The following WDFY4 variants were observed in gnomAD, a reference collection of about 807,000 sequenced individuals.
WDFY4 encodes the protein WD repeat- and FYVE domain-containing protein 4.
Under a neutral mutation model 351.9 loss-of-function variants are expected in WDFY4, and 169 were observed. The observed-to-expected ratio is 0.48, with a 90% CI of 0.42 to 0.55. WDFY4 has a LOEUF of 0.55. WDFY4 is among the 20% of genes least tolerant of loss of function. The pLI is 0.00. For missense variants in WDFY4, 3,803 were observed against 3,935.6 expected, an observed-to-expected ratio of 0.97 and a Z score of 0.90; for synonymous variants, 1,622 against 1,574.6, an observed-to-expected ratio of 1.03 and a Z score of -0.71.
chr10:48,848,935 G>T (rs1365923978), intron 39 of WDFY4, among the ~76,000 whole-genome samples: 2 of 152,218 alleles, frequency 1.3e-5, no homozygotes, highest in African/African-American at 4.8e-5. Flanking sequence ...GTGCAGGACA[G>T]GTGGCAAGTG....
intron 57 of WDFY4, 132 bp downstream of exon 57, chr10:48,970,421 C>A: frequency 7.9e-7 from 1 of 1,262,932 alleles, no homozygotes. Flanking sequence ...CACTGAGGGC[C>A]CTGCCACCCT....
At chr10:48,864,566 C>G (rs1055826936) in intron 39 of WDFY4, among the ~76,000 whole-genome samples, 14 of 151,974 alleles carry the variant, frequency 9.2e-5, no homozygotes, top group African/African-American at 3.4e-4. Flanking sequence ...TTTTGGAGGT[C>G]CCTTGTAATT....
At chr10:48,770,933 A>T (rs1354424190) in intron 13 of WDFY4, among the ~76,000 whole-genome samples, 1 of 152,218 alleles carries the variant, frequency 6.6e-6, no homozygotes, top group Non-Finnish European at 1.5e-5. Flanking sequence ...CAGAATGGCA[A>T]AATGCAGCCT....
At chr10:48,694,867 C>T (rs1427237168) in intron 1 of WDFY4, among the ~76,000 whole-genome samples, 2 of 152,134 alleles carry the variant, frequency 1.3e-5, no homozygotes, top group Non-Finnish European at 2.9e-5. Context: ...CCAGACTTCT[C>T]CACCCTCCCC....
chr10:48,704,045 G>A lies in WDFY4; in HGVS notation c.-17-5671G>A, dbSNP rs578039532. On this transcript the variant is annotated intron_variant, in intron 1 of 61. Transcript: ENST00000325239. ...TTCCCTGCACATGGCACAGAGGAAGGGGAGACCCCATCACATACACACAAC... is the reference window on the plus strand; with the variant it reads ...TTCCCTGCACATGGCACAGAGGAAGAGGAGACCCCATCACATACACACAAC... 2.3e-3 allele frequency among the ~76,000 whole-genome samples: 354 copies of A among 152,188 alleles called. 1 individual carries two copies. The highest frequency in any genetic ancestry group is 8.2e-3 in the African/African-American group (339 of 41,528).
Position 48,876,732 on chromosome 10 carries a change from C to T in WDFY4, c.7001-301C>T, listed in dbSNP as rs191816025. ...TCTGAGGAGTTGCTTTACTGACTAA[C>T]GAGGGTGAATTTGGAAATGTTGCCC... On this transcript the variant is annotated intron_variant, in intron 42 of 61. Coordinates refer to ENST00000325239, the MANE Select transcript of WDFY4 (RefSeq NM_001394531.1). Among the ~76,000 whole-genome samples the T allele has an allele frequency of 1.5e-3, 232 of 152,266 alleles. 2 individuals carry two copies. The highest frequency in any genetic ancestry group is 5.1e-3 in the African/African-American group (212 of 41,554).
intron 57 of WDFY4, among the ~76,000 whole-genome samples, chr10:48,973,138 C>T (rs964650364): frequency 1.3e-5 from 2 of 152,152 alleles, no homozygotes; most frequent in Admixed American, 6.5e-5. Context: ...CAACACGTGC[C>T]GGCACTGGGG....
intron 12 of WDFY4, among the ~76,000 whole-genome samples, chr10:48,746,299 T>C (rs1056362356): frequency 6.6e-6 from 1 of 152,394 alleles, no homozygotes; most frequent in East Asian, 1.9e-4. Flanking sequence ...GGAGTCTAAA[T>C]TTTTATCATT....
chr10:48,857,339 CT>C lies in WDFY4; in HGVS notation c.6664-9917del, dbSNP rs72042110. On this transcript the variant is annotated intron_variant, in intron 39 of 61. Coordinates refer to ENST00000325239, the MANE Select transcript of WDFY4 (RefSeq NM_001394531.1). ...CAAAGATATTCTTAAGTGAAAATAG[CT>C]TTTTTTTTCCTCCTATAAGCTCTTG... Among the ~76,000 whole-genome samples, 5 of 150,648 alleles carry C rather than the reference CT, an allele frequency of 3.3e-5. No homozygotes were observed. In the South Asian group the frequency reaches 8.5e-4, roughly 25 times the overall value.
intron 22 of WDFY4, among the ~76,000 whole-genome samples, chr10:48,790,237 A>T (rs2066633363): frequency 6.6e-6 from 1 of 152,268 alleles, no homozygotes. Flanking sequence ...CTGTGACGAC[A>T]GGAAGCTGTC....
chr10:48,844,378 G>A (rs1453650471), intron 39 of WDFY4, among the ~76,000 whole-genome samples: 1 of 152,148 alleles, frequency 6.6e-6, no homozygotes, highest in East Asian at 1.9e-4. Context: ...GATCACCTGA[G>A]GTCAGGAGTT....
chr10:48,814,258 G>T (rs1309459843), intron 31 of WDFY4, among the ~76,000 whole-genome samples, 176 bp downstream of exon 31: 1 of 152,236 alleles, frequency 6.6e-6, no homozygotes, highest in Non-Finnish European at 1.5e-5. Flanking sequence ...TGGAAACCCA[G>T]CCTATAGGTC....
rs1041712939 is a variant in WDFY4 at position 48,729,459 on chromosome 10, G to A, written c.999G>A (p.Val333=). Residue 333 remains valine (V), a synonymous_variant, in exon 8 of 62, where the codon GTG becomes GTA. Coordinates refer to ENST00000325239, the MANE Select transcript of WDFY4 (RefSeq NM_001394531.1). Reference sequence around the variant, plus strand: ...ATGATGGGCTGACCCAGAGCGAAGTGGACCCGCATCTGGAGGAGCTCCTTG... The same window carrying A: ...ATGATGGGCTGACCCAGAGCGAAGTAGACCCGCATCTGGAGGAGCTCCTTG... ...LRYDGLTQSE[V]DPHLEELLGL... 6.4e-7 allele frequency: 1 copy of A among 1,551,400 alleles called. No individual in the cohort carries two copies. The highest frequency in any genetic ancestry group is 8.7e-7 in the Non-Finnish European group (1 of 1,147,002).
intron 36 of WDFY4, 53 bp downstream of exon 36, chr10:48,826,962 G>C: frequency 6.9e-7 from 1 of 1,438,894 alleles, no homozygotes; most frequent in Middle Eastern, 1.7e-4. Flanking sequence ...GCAGAAAGGA[G>C]AGATTTAGAG....
At chr10:48,961,483 G>T (rs1450231129) in intron 53 of WDFY4, among the ~76,000 whole-genome samples, 1 of 152,246 alleles carries the variant, frequency 6.6e-6, no homozygotes, top group African/African-American at 2.4e-5. Flanking sequence ...TGAACACCCA[G>T]AAAGGTGAGG....
chr10:48,953,344 C>T (rs1026000625), intron 51 of WDFY4, among the ~76,000 whole-genome samples: 6 of 151,880 alleles, frequency 4.0e-5, no homozygotes, highest in Non-Finnish European at 7.4e-5. Flanking sequence ...CACACACACA[C>T]ACACACACAC....
At chr10:48,842,058 T>C (rs1179158283) in intron 39 of WDFY4, among the ~76,000 whole-genome samples, 3 of 152,042 alleles carry the variant, frequency 2.0e-5, no homozygotes, top group Non-Finnish European at 4.4e-5. Flanking sequence ...ACTCATGACA[T>C]CAAACTCCCT....
At chr10:48,905,350 G>A (rs1280995568) in intron 47 of WDFY4, among the ~76,000 whole-genome samples, 1 of 152,208 alleles carries the variant, frequency 6.6e-6, no homozygotes, top group East Asian at 1.9e-4. Flanking sequence ...CAGGTTGGAG[G>A]AAGATGATGT....
intron 47 of WDFY4, among the ~76,000 whole-genome samples, chr10:48,905,026 C>T (rs2133431865): frequency 6.6e-6 from 1 of 152,314 alleles, no homozygotes; most frequent in East Asian, 1.9e-4. Flanking sequence ...TGGAGCAATG[C>T]TGCATCAATC....
Sources: gnomAD v4.1 joint callset for allele counts (sites outside exome capture counted in the v4.1 genomes callset) on GRCh38, gnomAD v4.1.1 for gene constraint, MANE v1.5 for transcripts, NCBI Gene and HGNC (gene_info 2026-07-23, HGNC 2026-07-21) for gene names.